The following PPP1R15A variants were observed in gnomAD, a reference collection of about 807,000 sequenced individuals.
PPP1R15A encodes the protein growth arrest and DNA damage-inducible protein GADD34.
In PPP1R15A, 43 loss-of-function variants were observed where a neutral mutation model predicts 48.5. The observed-to-expected ratio is 0.89, with a 90% CI of 0.69 to 1.14. PPP1R15A has a LOEUF of 1.14. Ranked by LOEUF, PPP1R15A falls within the 50% of genes most tolerant of loss-of-function variation. The probability of loss-of-function intolerance (pLI) is 0.00; values close to 1 mark genes in which losing one functional copy is unlikely to be tolerated. For synonymous variants in PPP1R15A, 327 were observed against 327.4 expected (o/e 1.00, Z 0.01); for missense variants, 868 against 847.2 (o/e 1.02, Z -0.30).
chr19:48,873,262 C>A lies in PPP1R15A; in HGVS notation c.29C>A (p.Ala10Asp). MAPGQAPHQ[A>D]TPWRDAHPFF... is the part of the protein sequence containing the mutation. ...GCCCCAGGCCAAGCACCCCATCAGG[C>A]TACCCCGTGGAGGGATGCCCACCCT... is the stretch of plus-strand genomic sequence containing the variant. Residue 10 changes from alanine (A) to aspartate (D), a missense_variant, in exon 2 of 3, where the codon GCT becomes GAT. Ala to Asp is a moderately radical substitution (Grantham distance 126, BLOSUM62 -2). Coordinates refer to ENST00000200453, the MANE Select transcript of PPP1R15A (RefSeq NM_014330.5). 6.4e-7 allele frequency: 1 copy of A among 1,552,082 alleles called. No individual in the cohort carries two copies. Among genetic ancestry groups the A allele is most frequent in the East Asian group, 2.3e-5 (1 of 44,406 alleles).
rs1346663620 is a variant in PPP1R15A, at chr19:48,873,244, G to A, written c.11G>A (p.Gly4Asp). MAPGQAPHQATPWR... is the reference protein window; with the variant it reads MAPDQAPHQATPWR... Reference sequence around the variant, plus strand: ...TTCCAGCCCAGACACATGGCCCCAGGCCAAGCACCCCATCAGGCTACCCCG... The same window carrying A: ...TTCCAGCCCAGACACATGGCCCCAGACCAAGCACCCCATCAGGCTACCCCG... Residue 4 changes from glycine (G) to aspartate (D), a missense_variant, in exon 2 of 3, where the codon GGC (glycine) becomes GAC (aspartate). Transcript: ENST00000200453. The A allele has an allele frequency of 6.6e-7, 1 of 1,525,790 alleles. No individual in the cohort carries two copies. The highest frequency in any genetic ancestry group is 2.3e-5 in the East Asian group (1 of 44,082). The allele number at this position is 1,525,790 out of a possible 1,614,324, so 94.5% of individuals were successfully genotyped here.
At chr19:48,874,952 G>A (rs993437878) in intron 2 of PPP1R15A, 54 bp downstream of exon 2, 4 of 1,443,518 alleles carry the variant, frequency 2.8e-6, no homozygotes, top group Non-Finnish European at 3.6e-6. Context: ...TTGAGTTGGA[G>A]TCTTGGGCTG....
rs926658205 is a variant in PPP1R15A at position 48,873,399 on chromosome 19, G to A, written c.166G>A (p.Val56Ile). ...LVEAVKGAAL[V>I]EAGLEGEART... ...GGAAGCAGTAAAAGGAGCAGCTCTG[G>A]TAGAAGCTGGCCTGGAGGGAGAAGC... Residue 56 changes from valine to isoleucine, a missense_variant, in exon 2 of 3, where the codon GTA becomes ATA. Coordinates refer to ENST00000200453, the MANE Select transcript of PPP1R15A (RefSeq NM_014330.5). 3 of 1,613,800 alleles carry A rather than the reference G, an allele frequency of 1.9e-6. No individual in the cohort carries two copies. The highest frequency in any genetic ancestry group is 4.5e-5 in the East Asian group (2 of 44,882).
At chr19:48,875,083 C>T in intron 2 of PPP1R15A, 185 bp downstream of exon 2, 1 of 664,280 alleles carries the variant, frequency 1.5e-6, no homozygotes. Context: ...CATGACACCA[C>T]ACCCAGCTAA....
At position 48,873,443 on chromosome 19, in the gene PPP1R15A, C is replaced by A; in HGVS notation, c.210C>A (p.Ile70=). The A allele has an allele frequency of 6.2e-7, 1 of 1,612,654 alleles. No individual in the cohort carries two copies. Among genetic ancestry groups the A allele is most frequent in the East Asian group, 2.2e-5 (1 of 44,886 alleles). Residue 70 remains isoleucine (I), a synonymous_variant, in exon 2 of 3, where the codon ATC becomes ATA. Transcript: ENST00000200453. ...LEGEARTPLA[I]PHTPWGRRPE... The stretch of plus-strand genomic sequence containing the variant: ...GAGAAGCTAGGACTCCTCTGGCAAT[C>A]CCCCATACCCCTTGGGGCAGACGCC...
At position 48,872,520 on chromosome 19, in the gene PPP1R15A, C is replaced by G; in HGVS notation, c.-141C>G. 2 of 456,424 alleles carry G rather than the reference C, an allele frequency of 4.4e-6. No homozygotes were observed. Among genetic ancestry groups the G allele is most frequent in the South Asian group, 3.1e-5 (2 of 64,548 alleles). The allele number at this position is 456,424 out of a possible 1,614,324, so 28.3% of individuals were successfully genotyped here. ...GGCACTTGAGGCAGCCGGAGATACT[C>G]TGAGTTACTCGGAGCCCGACGCCTG... On this transcript the variant is annotated 5_prime_UTR_variant, in exon 1 of 3. Coordinates refer to ENST00000200453, the MANE Select transcript of PPP1R15A (RefSeq NM_014330.5).
intron 2 of PPP1R15A, 135 bp from the exon 3 acceptor site, chr19:48,875,479 T>G: frequency 8.4e-7 from 1 of 1,188,838 alleles, no homozygotes; most frequent in Non-Finnish European, 1.2e-6. Flanking sequence ...GACAGGCAAG[T>G]GACTAGCCAG....
rs1265235133 is a variant in PPP1R15A, at chr19:48,874,716, G to A, written c.1483G>A (p.Ala495Thr). The A allele has an allele frequency of 6.2e-7, 1 of 1,613,956 alleles. No individual in the cohort carries two copies. Among genetic ancestry groups the A allele is most frequent in the South Asian group, 1.1e-5 (1 of 91,016 alleles). ...TGGAAAAGAGACAGAGGAAGAGGAA[G>A]CTGCTGAGGACTGGGGAGAAGCTGA... ...RPGKETEEEE[A>T]AEDWGEAEPC... is the part of the protein sequence containing the mutation. The change falls in exon 2 of 3, where the codon GCT (alanine) becomes ACT (threonine). Residue 495 changes from alanine (A) to threonine (T), a missense_variant. Coordinates refer to ENST00000200453, the MANE Select transcript of PPP1R15A (RefSeq NM_014330.5).
Position 48,873,784 on chromosome 19 carries a change from G to T in PPP1R15A, c.551G>T (p.Arg184Leu). 1 of 1,614,044 alleles carries T rather than the reference G, an allele frequency of 6.2e-7. No individual in the cohort carries two copies. The highest frequency in any genetic ancestry group is 8.5e-7 in the Non-Finnish European group (1 of 1,179,984). ...VNKFSYPPSH[R>L]ECCPAVEEED... ...AAGTTCTCTTATCCACCATCACACC[G>T]GGAGTGTTGTCCAGCCGTGGAGGAG... is the stretch of plus-strand genomic sequence containing the variant. Residue 184 changes from arginine (R) to leucine (L), a missense_variant, in exon 2 of 3, where the codon CGG becomes CTG. Physicochemically the swap from Arg to Leu is moderately radical, Grantham distance 102. Transcript: ENST00000200453.
At chr19:48,873,129 T>C (rs1020016906) in intron 1 of PPP1R15A, 96 bp from the exon 2 acceptor site, 1 of 1,400,568 alleles carries the variant, frequency 7.1e-7, no homozygotes, top group Non-Finnish European at 9.3e-7. Context: ...TTTACAATAG[T>C]TGTGTTACTA....
Position 48,873,717 on chromosome 19 carries a change from A to T in PPP1R15A, c.484A>T (p.Lys162Ter), listed in dbSNP as rs533691597. 6.2e-7 allele frequency: 1 copy of T among 1,613,894 alleles called. No homozygotes were observed. The highest frequency in any genetic ancestry group is 8.5e-7 in the Non-Finnish European group (1 of 1,179,946). The change falls in exon 2 of 3, where the codon AAA becomes TAA. Residue 162 changes from lysine (K) to a stop codon, truncating the protein, a stop_gained. Transcript: ENST00000200453. LOFTEE classifies it high-confidence loss of function. ...QGSDKNPGEE[K>*]AEEEGVAEEE... ...TTCTGATAAGAACCCAGGGGAGGAG[A>T]AAGCCGAGGAAGAGGGAGTTGCTGA...
Position 48,873,327 on chromosome 19 carries a change from G to T in PPP1R15A, c.94G>T (p.Ala32Ser), listed in dbSNP as rs3786734. The change falls in exon 2 of 3, where the codon GCC becomes TCC. Residue 32 changes from alanine to serine, a missense_variant. Transcript: ENST00000200453. ...CCCAGTGATGGGCCTCCTCAGCCGC[G>T]CCTGGAGCCGCCTGAGGGGCCTGGG... ...LSPVMGLLSRAWSRLRGLGPL... is the reference protein window; with the variant it reads ...LSPVMGLLSRSWSRLRGLGPL... The T allele has an allele frequency of 6.2e-6, 10 of 1,611,332 alleles. No individual in the cohort carries two copies. The African/African-American group carries it at 6.7e-5, about 11-fold the overall frequency.
At position 48,874,298 on chromosome 19, in the gene PPP1R15A, T is replaced by C. The variant is rs749342299; in HGVS notation, c.1065T>C (p.Asp355=). Residue 355 remains aspartate (D), a synonymous_variant, in exon 2 of 3, where the codon GAT becomes GAC. Transcript: ENST00000200453. ...GAGAGGACACAGAGGAAGAGGAAGA[T>C]GAGGAAGAAGATGAGGACAGTGACT... ...WPGEDTEEEE[D]EEEDEDSDSG... 1 of 1,613,160 alleles carries C rather than the reference T, an allele frequency of 6.2e-7. No homozygotes were observed. The highest frequency in any genetic ancestry group is 8.5e-7 in the Non-Finnish European group (1 of 1,179,728).
Position 48,874,803 on chromosome 19 carries a change from C to T in PPP1R15A, c.1570C>T (p.Pro524Ser). The stretch of plus-strand genomic sequence containing the variant: ...AGAGAAGCCACCGCCTCCCTGGGCT[C>T]CTCCTAGGCTGCCCCTCCGACTGCA... ...PGEKPPPPWA[P>S]PRLPLRLQRR... Residue 524 changes from proline to serine, a missense_variant, in exon 2 of 3, where the codon CCT (proline) becomes TCT (serine). Pro to Ser is a moderately conservative substitution (Grantham distance 74). Coordinates refer to ENST00000200453, the MANE Select transcript of PPP1R15A (RefSeq NM_014330.5). 1 of 1,613,872 alleles carries T rather than the reference C, an allele frequency of 6.2e-7. No homozygotes were observed.
Position 48,874,576 on chromosome 19 carries a change from T to A in PPP1R15A, c.1343T>A (p.Val448Glu), listed in dbSNP as rs1392253824. ...ACGGAGGAGGAGGAAGATGAGGATG[T>A]GGATAGTGAGGATAAGGAAGATGAT... is the stretch of plus-strand genomic sequence containing the variant. ...EDTEEEEDED[V>E]DSEDKEDDSE... Residue 448 changes from valine (V) to glutamate (E), a missense_variant, in exon 2 of 3, where the codon GTG becomes GAG. Physicochemically the swap from Val to Glu is moderately radical, Grantham distance 121. Transcript: ENST00000200453. 1 of 1,613,848 alleles carries A rather than the reference T, an allele frequency of 6.2e-7. No homozygotes were observed. Among genetic ancestry groups the A allele is most frequent in the Non-Finnish European group, 8.5e-7 (1 of 1,179,974 alleles).
rs771964492 is a variant in PPP1R15A, at chr19:48,875,944, G to A, written c.1996G>A (p.Ala666Thr). 1.9e-6 allele frequency: 3 copies of A among 1,596,714 alleles called. No homozygotes were observed. Among genetic ancestry groups the A allele is most frequent in the Admixed American group, 1.7e-5 (1 of 58,006 alleles). ...CCGCTCGTCTGCTGCTGCAGCGGCT[G>A]CCCTGGACCTCAGTGGGAGGCGTGG... ...PSRSSAAAAA[A>T]LDLSGRRG is the part of the protein sequence containing the mutation. The change falls in exon 3 of 3, where the codon GCC becomes ACC. Residue 666 changes from alanine to threonine, a missense_variant. By Grantham distance (58) the Ala-to-Thr change is moderately conservative. Coordinates refer to ENST00000200453, the MANE Select transcript of PPP1R15A (RefSeq NM_014330.5).
rs1316280300 is a variant in PPP1R15A, at chr19:48,873,652, C to T, written c.419C>T (p.Ala140Val). ...AGTCAATTTGCAGATGGCCAGCGTG[C>T]TCCCCTGTCTCCCAGCCTTCTGATA... ...QGSQFADGQR[A>V]PLSPSLLIRT... The change falls in exon 2 of 3, where the codon GCT becomes GTT. Residue 140 changes from alanine (A) to valine (V), a missense_variant. Transcript: ENST00000200453. 1 of 1,614,186 alleles carries T rather than the reference C, an allele frequency of 6.2e-7. No homozygotes were observed. Among genetic ancestry groups the T allele is most frequent in the South Asian group, 1.1e-5 (1 of 91,086 alleles).
In PPP1R15A at chr19:48,875,930, C is replaced by T. The variant is rs1346187067; in HGVS notation, c.1982C>T (p.Ala661Val). 7 of 1,608,878 alleles carry T rather than the reference C, an allele frequency of 4.4e-6. No homozygotes were observed. The African/African-American group carries it at 8.0e-5, about 18-fold the overall frequency. ...GTGGCCACACCTTCCCGCTCGTCTG[C>T]TGCTGCAGCGGCTGCCCTGGACCTC... ...QAVATPSRSS[A>V]AAAAALDLSG... The change falls in exon 3 of 3, where the codon GCT (alanine) becomes GTT (valine). Residue 661 changes from alanine to valine, a missense_variant. By Grantham distance (64) the Ala-to-Val change is moderately conservative. Coordinates refer to ENST00000200453, the MANE Select transcript of PPP1R15A (RefSeq NM_014330.5).
At chr19:48,875,355 C>A (rs2037068796) in intron 2 of PPP1R15A, 2 of 554,142 alleles carry the variant, frequency 3.6e-6, no homozygotes, top group East Asian at 6.0e-5. Flanking sequence ...GTCACGCAAT[C>A]CCTTGTAAGA....
Sources: allele counts gnomAD v4.1 joint callset, GRCh38; gene constraint gnomAD v4.1.1; transcripts MANE v1.5; gene names NCBI Gene and HGNC (gene_info 2026-07-23, HGNC 2026-07-21).